Variants in UQCC1 observed in about 807,000 individuals in gnomAD.
UQCC1 encodes the protein bFGF-repressed Zic-binding protein.
A neutral mutation model predicts 48.0 loss-of-function variants in UQCC1; 38 were observed. The ratio of observed to expected loss-of-function variants is 0.79; its 90% CI spans 0.61 to 1.04. UQCC1 has a LOEUF of 1.04. Among genes scored for constraint, UQCC1 ranks in the 50% least tolerant of loss-of-function variants. The pLI is 0.00. For synonymous variants in UQCC1, 111 were observed against 129.2 expected (o/e 0.86, Z 0.95); for missense variants, 368 against 381.8 (o/e 0.96, Z 0.30).
intron 8 of UQCC1, among the ~76,000 whole-genome samples, chr20:35,314,371 G>A (rs537121101): frequency 6.6e-6 from 1 of 151,690 alleles, no homozygotes; most frequent in East Asian, 1.9e-4. Flanking sequence ...CTCTCTCTGG[G>A]AGCACATGGG....
chr20:35,347,994 A>G (rs915651332), intron 6 of UQCC1, among the ~76,000 whole-genome samples: 5 of 152,248 alleles, frequency 3.3e-5, no homozygotes, highest in African/African-American at 9.6e-5. Flanking sequence ...TGTCCAGAAC[A>G]CAGATCACAG....
chr20:35,310,644 C>CAAA (rs1199768843), intron 8 of UQCC1, among the ~76,000 whole-genome samples: 646 of 43,788 alleles, frequency 0.015, 22 homozygotes, highest in South Asian at 0.027. Flanking sequence ...GACTCTGTCT[C>CAAA]AAAAAAAAAA....
At chr20:35,390,938 A>C (rs565911838) in intron 2 of UQCC1, among the ~76,000 whole-genome samples, 1 of 152,274 alleles carries the variant, frequency 6.6e-6, no homozygotes, top group East Asian at 1.9e-4. Context: ...GCTCACACCT[A>C]TAATCCCAGC....
At chr20:35,367,114 C>CAAA (rs2061678924) in intron 5 of UQCC1, among the ~76,000 whole-genome samples, 2 of 110,606 alleles carry the variant, frequency 1.8e-5, no homozygotes. Flanking sequence ...AAAAAACAAA[C>CAAA]AAAAAAACAA....
At chr20:35,403,926 G>A (rs187068964) in intron 1 of UQCC1, among the ~76,000 whole-genome samples, 8 of 152,170 alleles carry the variant, frequency 5.3e-5, no homozygotes, top group African/African-American at 1.2e-4. Context: ...TGGGGGGAGC[G>A]GGGAGGGATA....
At chr20:35,322,168 G>C (rs2146326664) in intron 7 of UQCC1, among the ~76,000 whole-genome samples, 1 of 152,262 alleles carries the variant, frequency 6.6e-6, no homozygotes, top group South Asian at 2.1e-4. Flanking sequence ...ATACTCATTA[G>C]AGAAGCCAAC....
chr20:35,400,534 T>C (rs1367535579), intron 1 of UQCC1, among the ~76,000 whole-genome samples: 2 of 151,424 alleles, frequency 1.3e-5, no homozygotes, highest in Admixed American at 6.6e-5. Context: ...CTCGCTCCGT[T>C]GCCCAGGCTG....
chr20:35,392,418 G>A, intron 2 of UQCC1: 1 of 646,952 alleles, frequency 1.5e-6, no homozygotes, highest in Non-Finnish European at 2.4e-6. Flanking sequence ...CTATAATGTT[G>A]TCCCAGAGCC....
intron 1 of UQCC1, among the ~76,000 whole-genome samples, chr20:35,400,482 A>G (rs1344880101): frequency 1.3e-5 from 2 of 149,994 alleles, no homozygotes; most frequent in Admixed American, 6.6e-5. Context: ...CTTCAAAACC[A>G]AAAAAAAAAT....
chr20:35,338,993 G>A (rs1299944830), intron 7 of UQCC1, among the ~76,000 whole-genome samples: 1 of 142,170 alleles, frequency 7.0e-6, no homozygotes, highest in African/African-American at 2.7e-5. Flanking sequence ...TACCCAGTCT[G>A]ACATTCCAAG....
At chr20:35,380,556 T>C (rs1316525682) in intron 4 of UQCC1, among the ~76,000 whole-genome samples, 1 of 152,232 alleles carries the variant, frequency 6.6e-6, no homozygotes, top group East Asian at 1.9e-4. Flanking sequence ...TAGAAGTCTA[T>C]AATAAAATTG....
At chr20:35,311,873 G>A (rs2060998900) in intron 8 of UQCC1, among the ~76,000 whole-genome samples, 1 of 152,092 alleles carries the variant, frequency 6.6e-6, no homozygotes, top group African/African-American at 2.4e-5. Context: ...TCACCTTCGG[G>A]TGACTTGTTG....
intron 2 of UQCC1, among the ~76,000 whole-genome samples, chr20:35,390,516 T>C (rs1010720110): frequency 6.6e-6 from 1 of 151,946 alleles, no homozygotes; most frequent in Non-Finnish European, 1.5e-5. Context: ...ATGAAAAAGT[T>C]TATAGAGATC....
chr20:35,383,779 A>C (rs1226318148), intron 3 of UQCC1, among the ~76,000 whole-genome samples: 2 of 152,092 alleles, frequency 1.3e-5, no homozygotes, highest in Admixed American at 6.6e-5. Flanking sequence ...CGAGCTTGGG[A>C]GTTCGAGACT....
chr20:35,324,569 G>A (rs376344318), intron 7 of UQCC1, among the ~76,000 whole-genome samples: 6 of 152,268 alleles, frequency 3.9e-5, no homozygotes, highest in Admixed American at 1.3e-4. Context: ...CTTGTGATCT[G>A]CCCGCCTTGG....
Position 35,303,790 on chromosome 20 carries a change from C to A in UQCC1, c.*145G>T. The A allele has an allele frequency of 8.5e-7, 1 of 1,174,236 alleles. No individual in the cohort carries two copies. Among genetic ancestry groups the A allele is most frequent in the East Asian group, 2.4e-5 (1 of 42,466 alleles). The allele number at this position is 1,174,236 out of a possible 1,614,324, so 72.7% of individuals were successfully genotyped here. ...GACTCCTGGGCACACTAAGAGGAAA[C>A]TCAACACAAATGGGGCCAGGTATTT... On this transcript the variant is annotated 3_prime_UTR_variant, in exon 10 of 10. Coordinates refer to ENST00000374385, the MANE Select transcript of UQCC1 (RefSeq NM_018244.5).
intron 7 of UQCC1, among the ~76,000 whole-genome samples, chr20:35,321,963 G>T (rs1456441773): frequency 6.6e-6 from 1 of 152,178 alleles, no homozygotes; most frequent in African/African-American, 2.4e-5. Context: ...GAAAACATGA[G>T]AACACATAAT....
At chr20:35,342,190 G>A (rs1191528143) in intron 7 of UQCC1, among the ~76,000 whole-genome samples, 1 of 152,144 alleles carries the variant, frequency 6.6e-6, no homozygotes, top group Non-Finnish European at 1.5e-5. Context: ...GCCAGGGACC[G>A]CTGATAAGGG....
intron 7 of UQCC1, among the ~76,000 whole-genome samples, chr20:35,321,283 TGCGCGC>T (rs60488465): frequency 4.2e-5 from 6 of 141,536 alleles, no homozygotes; most frequent in Non-Finnish European, 7.5e-5. Context: ...TGTGTGTGTG[TGCGCGC>T]GCGCGCGCGC....
Sources: gnomAD v4.1 joint callset for allele counts (sites outside exome capture counted in the v4.1 genomes callset) on GRCh38, gnomAD v4.1.1 for gene constraint, MANE v1.5 for transcripts, NCBI Gene and HGNC (gene_info 2026-07-23, HGNC 2026-07-21) for gene names.